Variants in CCSER1 observed in about 807,000 individuals in gnomAD.
The protein encoded by CCSER1 is serine-rich coiled-coil domain-containing protein 1.
Under a neutral mutation model 82.0 loss-of-function variants are expected in CCSER1, and 41 were observed. The observed-to-expected ratio is 0.50, with a 90% CI of 0.39 to 0.65. The LOEUF is 0.65. Ranked by LOEUF, CCSER1 falls within the 30% of genes least tolerant of loss-of-function variation. The pLI, the probability that CCSER1 is intolerant of heterozygous loss-of-function variation, is 0.00. For missense variants in CCSER1, 1,119 were observed against 1,064.2 expected (o/e 1.05, Z -0.72); for synonymous variants, 414 against 383.9 (o/e 1.08, Z -0.92).
At chr4:91,033,744 A>G (rs1741189257) in intron 9 of CCSER1, among the ~76,000 whole-genome samples, 1 of 152,174 alleles carries the variant, frequency 6.6e-6, no homozygotes, top group Admixed American at 6.5e-5. Context: ...AAGTGTCTTT[A>G]AAGCTTCTTC....
At chr4:90,943,171 G>C (rs1482049740) in intron 9 of CCSER1, among the ~76,000 whole-genome samples, 4 of 151,914 alleles carry the variant, frequency 2.6e-5, no homozygotes, top group Non-Finnish European at 5.9e-5. Flanking sequence ...AGAAATTTCT[G>C]TGTACATTTT....
At chr4:90,841,597 A>AAAAAG (rs1561230171) in intron 8 of CCSER1, among the ~76,000 whole-genome samples, 1 of 150,158 alleles carries the variant, frequency 6.7e-6, no homozygotes, top group African/African-American at 2.4e-5. Flanking sequence ...AAAAAAAAAA[A>AAAAAG]AGAAGAAGAA....
rs1486179354 is a variant in CCSER1 at position 90,861,926 on chromosome 4, A to ATATATAT, written c.2094+46082_2094+46083insATATATT. Among the ~76,000 whole-genome samples, 528 of 125,634 alleles carry ATATATAT rather than the reference A, an allele frequency of 4.2e-3. 3 individuals carry two copies. The highest frequency in any genetic ancestry group is 0.021 in the Admixed American group (249 of 11,694). 82.4% of individuals were successfully genotyped at this position (125,634 alleles called of 152,430 possible). ...GACTCATATATATATATATATATAT[A>ATATATAT]TTTTTTTTTTCTGTTAGACTAGTGT... On this transcript the variant is annotated intron_variant, in intron 8 of 10. Coordinates refer to ENST00000509176, the MANE Select transcript of CCSER1 (RefSeq NM_001145065.2).
intron 9 of CCSER1, among the ~76,000 whole-genome samples, chr4:90,933,035 AG>A: frequency 8.9e-6 from 1 of 112,046 alleles, no homozygotes; most frequent in South Asian, 2.5e-4. Context: ...AAAGAAAGAA[AG>A]AAAGAAAGAG....
At chr4:90,570,897 A>G (rs1780038552) in intron 5 of CCSER1, among the ~76,000 whole-genome samples, 1 of 152,140 alleles carries the variant, frequency 6.6e-6, no homozygotes, top group Non-Finnish European at 1.5e-5. Context: ...AACCCACCAC[A>G]GGAACCTGTC....
chr4:91,022,223 T>G (rs1740051162), intron 9 of CCSER1, among the ~76,000 whole-genome samples: 1 of 146,036 alleles, frequency 6.8e-6, no homozygotes, highest in African/African-American at 2.5e-5. Context: ...CATTGTTCAA[T>G]TCCCACCTAT....
At chr4:91,478,872 T>C (rs1757734670) in intron 10 of CCSER1, among the ~76,000 whole-genome samples, 1 of 150,186 alleles carries the variant, frequency 6.7e-6, no homozygotes, top group African/African-American at 2.4e-5. Flanking sequence ...TCTTCTATAT[T>C]TAGCATTGCA....
intron 5 of CCSER1, among the ~76,000 whole-genome samples, chr4:90,567,343 C>T (rs1779525059): frequency 2.0e-5 from 3 of 148,262 alleles, no homozygotes; most frequent in South Asian, 2.1e-4. Flanking sequence ...CAGGCTGGAG[C>T]GCAGTGGCGC....
chr4:90,941,573 A>G (rs1323718739), intron 9 of CCSER1, among the ~76,000 whole-genome samples: 1 of 152,168 alleles, frequency 6.6e-6, no homozygotes, highest in African/African-American at 2.4e-5. Flanking sequence ...AAATGTCCAA[A>G]TTAACAAGGA....
At chr4:90,797,794 T>C (rs898561009) in intron 7 of CCSER1, among the ~76,000 whole-genome samples, 8 of 152,212 alleles carry the variant, frequency 5.3e-5, no homozygotes. Context: ...ATATTGAATA[T>C]AGGCCGCCAA....
At chr4:91,207,377 T>C (rs1334897165) in intron 10 of CCSER1, among the ~76,000 whole-genome samples, 2 of 151,598 alleles carry the variant, frequency 1.3e-5, no homozygotes, top group African/African-American at 4.8e-5. Context: ...ATCTCCATCC[T>C]CCTAACTTCC....
chr4:90,674,624 T>C (rs1733480795), intron 6 of CCSER1, among the ~76,000 whole-genome samples: 2 of 151,940 alleles, frequency 1.3e-5, no homozygotes, highest in Non-Finnish European at 2.9e-5. Flanking sequence ...TATATATTTA[T>C]GTTCACTAAA....
At chr4:90,255,430 G>T (rs971274057) in intron 1 of CCSER1, among the ~76,000 whole-genome samples, 13 of 151,918 alleles carry the variant, frequency 8.6e-5, no homozygotes, top group African/African-American at 3.1e-4. Flanking sequence ...CACCATCTCT[G>T]CTCTGCATTT....
chr4:90,841,352 G>T (rs1194714990), intron 8 of CCSER1, among the ~76,000 whole-genome samples: 4 of 152,052 alleles, frequency 2.6e-5, no homozygotes, highest in Admixed American at 2.6e-4. Context: ...GCCGAGGCGG[G>T]TAGATCACGA....
In CCSER1 at chr4:90,308,406, T is replaced by A; in HGVS notation, c.122T>A (p.Val41Asp). 6.2e-7 allele frequency: 1 copy of A among 1,613,818 alleles called. No homozygotes were observed. The highest frequency in any genetic ancestry group is 8.5e-7 in the Non-Finnish European group (1 of 1,179,832). The change falls in exon 2 of 11, where the codon GTC becomes GAC. Residue 41 changes from valine to aspartate, a missense_variant. By Grantham distance (152) the Val-to-Asp change is radical (BLOSUM62 -3). Transcript: ENST00000509176. ...CCTTCTTCCAGTAATACAGTTGGTG[T>A]CCACAGTTCCTCTCCTTCCAGCACT... ...SSPSSSNTVG[V>D]HSSSPSSTNS...
At chr4:90,856,625 C>T (rs931369570) in intron 8 of CCSER1, among the ~76,000 whole-genome samples, 1 of 152,042 alleles carries the variant, frequency 6.6e-6, no homozygotes. Flanking sequence ...TAACAGAATT[C>T]TAGACTAAAA....
At chr4:90,142,969 G>A (rs879870848) in intron 1 of CCSER1, among the ~76,000 whole-genome samples, 13 of 151,988 alleles carry the variant, frequency 8.6e-5, no homozygotes, top group African/African-American at 2.7e-4. Flanking sequence ...GCAGGAGTTC[G>A]GCAAATTTAC....
intron 9 of CCSER1, among the ~76,000 whole-genome samples, chr4:90,997,483 G>A (rs1393790743): frequency 6.6e-6 from 1 of 152,080 alleles, no homozygotes; most frequent in African/African-American, 2.4e-5. Flanking sequence ...CCTTTTATAA[G>A]TAAAGTAACA....
intron 1 of CCSER1, among the ~76,000 whole-genome samples, chr4:90,257,403 T>C (rs1373263018): frequency 1.3e-5 from 2 of 152,050 alleles, no homozygotes; most frequent in Admixed American, 1.3e-4. Flanking sequence ...AAAAATATTT[T>C]TTGGTGTATT....
Sources: allele counts gnomAD v4.1 joint callset (sites outside exome capture counted in the v4.1 genomes callset), GRCh38; gene constraint gnomAD v4.1.1; transcripts MANE v1.5; gene names NCBI Gene and HGNC (gene_info 2026-07-23, HGNC 2026-07-21).